PPP4R2: variants seen among roughly 807,000 people sequenced by gnomAD.
PPP4R2 encodes protein phosphatase 4 regulatory subunit 2.
In PPP4R2, 13 loss-of-function variants were observed where a neutral mutation model predicts 47.2. The ratio of observed to expected loss-of-function variants is 0.28; its 90% CI spans 0.18 to 0.44. The LOEUF (loss-of-function observed/expected upper bound fraction) is 0.44, where lower values mean the gene tolerates loss of function less well. Ranked by LOEUF, PPP4R2 falls within the 20% of genes least tolerant of loss-of-function variation. The pLI is 1.00. For synonymous variants in PPP4R2, 151 were observed against 163.3 expected (o/e 0.92, Z 0.57); for missense variants, 421 against 491.2 (o/e 0.86, Z 1.35).
At chr3:73,004,910 CAT>C (rs537720527) in intron 2 of PPP4R2, among the ~76,000 whole-genome samples, 1,028 of 79,324 alleles carry the variant, frequency 0.013, 13 homozygotes, top group South Asian at 0.018. Context: ...GAGTCGGAGT[CAT>C]GTGTGTGTGT....
At chr3:73,051,122 T>C (rs761381088) in intron 3 of PPP4R2, among the ~76,000 whole-genome samples, 17 of 152,220 alleles carry the variant, frequency 1.1e-4, no homozygotes, top group Non-Finnish European at 2.2e-4. Context: ...TCCATGTTGG[T>C]CAAGCTGGTC....
Position 73,065,543 on chromosome 3 carries a change from C to T in PPP4R2, c.1075C>T (p.Leu359=). 1 of 1,612,550 alleles carries T rather than the reference C, an allele frequency of 6.2e-7. No individual in the cohort carries two copies. The highest frequency in any genetic ancestry group is 8.5e-7 in the Non-Finnish European group (1 of 1,179,690). The part of the protein sequence containing the change: ...SDVSQAEKDL[L]HSEGSENEGP... ...TGTGTCTCAAGCTGAGAAAGATTTG[C>T]TACATTCTGAAGGTAGTGAAAACGA... The change falls in exon 9 of 9, where the codon CTA becomes TTA. Residue 359 remains leucine (L), a synonymous_variant. Coordinates refer to ENST00000356692, the MANE Select transcript of PPP4R2 (RefSeq NM_174907.4).
At chr3:73,018,452 T>TGTTATGTTATG in intron 2 of PPP4R2, among the ~76,000 whole-genome samples, 3,660 of 96,540 alleles carry the variant, frequency 0.038, 290 homozygotes, top group East Asian at 0.11. Flanking sequence ...TGTTATGTTA[T>TGTTATGTTATG]TTATGTTATG....
intron 3 of PPP4R2, among the ~76,000 whole-genome samples, chr3:73,049,184 A>C (rs888500869): frequency 6.6e-6 from 1 of 152,214 alleles, no homozygotes; most frequent in Non-Finnish European, 1.5e-5. Flanking sequence ...TGTTGAACTA[A>C]ATGAATACAT....
intron 2 of PPP4R2, among the ~76,000 whole-genome samples, chr3:73,034,313 TCCTCTTC>T (rs1159689029): frequency 6.6e-6 from 1 of 152,192 alleles, no homozygotes; most frequent in African/African-American, 2.4e-5. Flanking sequence ...TTTTAACTCC[TCCTCTTC>T]CCTCCAAATC....
At chr3:73,047,437 TTGA>T in intron 3 of PPP4R2, 81 bp downstream of exon 3, 1 of 848,228 alleles carries the variant, frequency 1.2e-6, no homozygotes, top group Non-Finnish European at 1.7e-6. Flanking sequence ...ATGTGTCTGG[TTGA>T]TGATTGATTA....
At chr3:73,054,757 G>T (rs189056409) in intron 3 of PPP4R2, among the ~76,000 whole-genome samples, 13 of 152,224 alleles carry the variant, frequency 8.5e-5, no homozygotes, top group South Asian at 2.1e-4. Flanking sequence ...TAGTTAAACT[G>T]ATTTTTTTAG....
chr3:73,063,232 G>C, intron 5 of PPP4R2: 1 of 326,544 alleles, frequency 3.1e-6, no homozygotes, highest in Non-Finnish European at 5.9e-6. Context: ...GCTTCAAATG[G>C]CATCTACCCC....
intron 2 of PPP4R2, among the ~76,000 whole-genome samples, chr3:73,020,436 C>T (rs761893407): frequency 4.6e-5 from 7 of 152,170 alleles, no homozygotes; most frequent in East Asian, 1.9e-4. Context: ...CAGAGTCAGG[C>T]GGATCGCTTG....
chr3:73,020,132 G>A (rs576523744), intron 2 of PPP4R2, among the ~76,000 whole-genome samples: 1 of 152,300 alleles, frequency 6.6e-6, no homozygotes, highest in East Asian at 1.9e-4. Flanking sequence ...GAGGCTGGCA[G>A]TCTAAGATAA....
chr3:73,048,562 G>T (rs1320386990), intron 3 of PPP4R2, among the ~76,000 whole-genome samples: 1 of 152,168 alleles, frequency 6.6e-6, no homozygotes. Context: ...CCAGGACTTT[G>T]TATTTTTACG....
chr3:73,062,804 T>C (rs778107698), intron 5 of PPP4R2: 2 of 1,613,920 alleles, frequency 1.2e-6, no homozygotes, highest in African/African-American at 1.3e-5. Flanking sequence ...CAGCCATAGG[T>C]TGGATCAGCT....
At chr3:73,033,182 G>T (rs1401297834) in intron 2 of PPP4R2, among the ~76,000 whole-genome samples, 1 of 152,170 alleles carries the variant, frequency 6.6e-6, no homozygotes, top group Non-Finnish European at 1.5e-5. Context: ...TACTTTTAGT[G>T]TCTGAAAATG....
intron 2 of PPP4R2, among the ~76,000 whole-genome samples, chr3:73,030,752 G>T (rs1242473844): frequency 6.6e-6 from 1 of 151,612 alleles, no homozygotes; most frequent in Admixed American, 6.6e-5. Flanking sequence ...GCCCAGGCCG[G>T]AGTGCAGTGG....
At chr3:73,017,360 G>A (rs1396174100) in intron 2 of PPP4R2, among the ~76,000 whole-genome samples, 2 of 149,410 alleles carry the variant, frequency 1.3e-5, no homozygotes, top group East Asian at 3.9e-4. Context: ...GCCTGTTGTA[G>A]CCTGGAAGCT....
intron 3 of PPP4R2, among the ~76,000 whole-genome samples, chr3:73,057,369 ATTC>A (rs1306056617): frequency 3.3e-5 from 5 of 152,134 alleles, no homozygotes; most frequent in African/African-American, 1.2e-4. Context: ...ATTTAAAAGG[ATTC>A]TTCATTTTGA....
intron 2 of PPP4R2, among the ~76,000 whole-genome samples, chr3:73,021,203 C>T (rs1235513074): frequency 6.7e-6 from 1 of 150,126 alleles, no homozygotes; most frequent in Non-Finnish European, 1.5e-5. Flanking sequence ...GGAGAAGGGG[C>T]TTGGATTCAT....
At chr3:73,050,081 C>T (rs540375647) in intron 3 of PPP4R2, among the ~76,000 whole-genome samples, 3 of 152,208 alleles carry the variant, frequency 2.0e-5, no homozygotes, top group African/African-American at 4.8e-5. Flanking sequence ...GCTGGCATTA[C>T]AGGGTGCATC....
chr3:73,045,528 T>TTTTTTTTA (rs1171286636), intron 2 of PPP4R2, among the ~76,000 whole-genome samples: 1 of 149,126 alleles, frequency 6.7e-6, no homozygotes, highest in African/African-American at 2.5e-5. Context: ...TTCTCCTAAT[T>TTTTTTTTA]TTTTTTTTTT....
Sources: allele counts gnomAD v4.1 joint callset (sites outside exome capture counted in the v4.1 genomes callset), GRCh38; gene constraint gnomAD v4.1.1; transcripts MANE v1.5; gene names NCBI Gene and HGNC (gene_info 2026-07-23, HGNC 2026-07-21).